The following ARL6IP6 variants were observed in gnomAD, a reference collection of about 807,000 sequenced individuals.
The protein encoded by ARL6IP6 is ARF like GTPase 6 interacting protein 6.
A neutral mutation model predicts 21.5 loss-of-function variants in ARL6IP6; 22 were observed. That is an observed-to-expected ratio of 1.02 (90% confidence interval 0.73 to 1.46). ARL6IP6 has a LOEUF of 1.46. Ranked by LOEUF, ARL6IP6 falls within the 40% of genes most tolerant of loss-of-function variation. ARL6IP6 has a pLI of 0.00. For synonymous variants in ARL6IP6, 164 were observed against 125.3 expected (o/e 1.31, Z -2.06); for missense variants, 388 against 299.8 (o/e 1.29, Z -2.17).
At chr2:152,720,219 G>A (rs1699716364) in intron 1 of ARL6IP6, 2 of 384,034 alleles carry the variant, frequency 5.2e-6, no homozygotes, top group African/African-American at 4.1e-5. Context: ...AGAAGACATT[G>A]AACTGTGCTT....
chr2:152,757,775 A>G (rs1168782920), intron 3 of ARL6IP6, among the ~76,000 whole-genome samples: 1 of 152,214 alleles, frequency 6.6e-6, no homozygotes, highest in Non-Finnish European at 1.5e-5. Context: ...GGTACATTTG[A>G]GATGACAAAG....
At position 152,760,075 on chromosome 2, in the gene ARL6IP6, G is replaced by T. The variant is rs992510279; in HGVS notation, c.*235G>T. ...CTGAGTATTAAGTACTTTCTTCAGA[G>T]TATAAGATGTTTACCTCATCTTTTT... On this transcript the variant is annotated 3_prime_UTR_variant, in exon 4 of 4. Coordinates refer to ENST00000326446, the MANE Select transcript of ARL6IP6 (RefSeq NM_152522.7). 5.5e-6 allele frequency: 2 copies of T among 366,734 alleles called. No homozygotes were observed. Among genetic ancestry groups the T allele is most frequent in the African/African-American group, 2.1e-5 (1 of 48,114 alleles). The allele number at this position is 366,734 out of a possible 1,614,324, so 22.7% of individuals were successfully genotyped here.
At chr2:152,748,917 C>G (rs1354727207) in intron 3 of ARL6IP6, among the ~76,000 whole-genome samples, 1 of 152,078 alleles carries the variant, frequency 6.6e-6, no homozygotes, top group African/African-American at 2.4e-5. Context: ...CAACCTGAAA[C>G]ATGACAAGAG....
At chr2:152,733,076 A>G (rs1299511199) in intron 2 of ARL6IP6, among the ~76,000 whole-genome samples, 1 of 152,096 alleles carries the variant, frequency 6.6e-6, no homozygotes, top group African/African-American at 2.4e-5. Context: ...AGTTTTTCCA[A>G]TGATTGCTTC....
At chr2:152,723,719 C>T (rs1027878619) in intron 2 of ARL6IP6, among the ~76,000 whole-genome samples, 1 of 152,088 alleles carries the variant, frequency 6.6e-6, no homozygotes, top group African/African-American at 2.4e-5. Context: ...GTAACAATCA[C>T]TTGGGGACTT....
At chr2:152,718,541 A>G (rs895208055), upstream of ARL6IP6, 10 of 1,480,040 alleles carry the variant, frequency 6.8e-6, no homozygotes, top group Admixed American at 1.7e-4. Context: ...GGTAGCGGCC[A>G]CTGCCGCGGA....
At chr2:152,721,952 A>G (rs996364929) in intron 2 of ARL6IP6, among the ~76,000 whole-genome samples, 9 of 152,240 alleles carry the variant, frequency 5.9e-5, no homozygotes, top group African/African-American at 1.9e-4. Flanking sequence ...TTTTATCTCT[A>G]GAAATAAGCC....
chr2:152,752,298 A>G (rs1701372886), intron 3 of ARL6IP6, among the ~76,000 whole-genome samples: 1 of 152,234 alleles, frequency 6.6e-6, no homozygotes, highest in African/African-American at 2.4e-5. Flanking sequence ...TGGAATCCAT[A>G]GTAGACTCCA....
chr2:152,759,958 G>A lies in ARL6IP6; in HGVS notation c.*118G>A. On this transcript the variant is annotated 3_prime_UTR_variant, in exon 4 of 4. Coordinates refer to ENST00000326446, the MANE Select transcript of ARL6IP6 (RefSeq NM_152522.7). ...AACCTGCTGTTCATTATGTAGTTCA[G>A]ATATTTATCACAATCATCCTCATTA... 1.3e-6 allele frequency: 1 copy of A among 780,586 alleles called. No homozygotes were observed. The allele number at this position is 780,586 out of a possible 1,614,324, so 48.4% of individuals were successfully genotyped here. A position where few individuals can be genotyped will look rare whatever the true frequency, so the allele number is the denominator to read the frequency against.
At chr2:152,756,355 AAAG>A (rs1159590715) in intron 3 of ARL6IP6, among the ~76,000 whole-genome samples, 2 of 152,304 alleles carry the variant, frequency 1.3e-5, no homozygotes, top group East Asian at 3.9e-4. Flanking sequence ...TTAAATATCA[AAAG>A]AAGAAAAGTA....
At chr2:152,742,218 A>G (rs917403448) in intron 3 of ARL6IP6, among the ~76,000 whole-genome samples, 1 of 152,168 alleles carries the variant, frequency 6.6e-6, no homozygotes, top group Non-Finnish European at 1.5e-5. Flanking sequence ...TAATGCATCT[A>G]ACTATGTTAC....
At position 152,760,603 on chromosome 2, in the gene ARL6IP6, G is replaced by T. The variant is rs1039408840; in HGVS notation, c.*763G>T. On this transcript the variant is annotated 3_prime_UTR_variant, in exon 4 of 4. Transcript: ENST00000326446. ...AGTAAGTTTATTTTTAACAAAAAATGCCTGAAAAAAGCTAAATTATTTAAG... is the reference window on the plus strand; with the variant it reads ...AGTAAGTTTATTTTTAACAAAAAATTCCTGAAAAAAGCTAAATTATTTAAG... 3.3e-5 allele frequency: 5 copies of T among 151,498 alleles called. No individual in the cohort carries two copies. The highest frequency in any genetic ancestry group is 7.4e-5 in the Non-Finnish European group (5 of 67,828). The allele number at this position is 151,498 out of a possible 1,614,324, so 9.4% of individuals were successfully genotyped here. A position where few individuals can be genotyped will look rare whatever the true frequency, so the allele number is the denominator to read the frequency against.
intron 3 of ARL6IP6, among the ~76,000 whole-genome samples, chr2:152,758,746 CAG>C (rs1231202536): frequency 6.6e-6 from 1 of 152,166 alleles, no homozygotes; most frequent in East Asian, 1.9e-4. Context: ...ATCTCTGCCA[CAG>C]ATATTGTGCG....
chr2:152,750,649 G>GA (rs11399471), intron 3 of ARL6IP6, among the ~76,000 whole-genome samples: 151,815 of 152,316 alleles, frequency 1, 75,666 homozygotes, highest in East Asian at 1. Context: ...TTTACACAAT[G>GA]TACCTCTTTT....
chr2:152,752,577 G>A (rs534291823), intron 3 of ARL6IP6, among the ~76,000 whole-genome samples: 3 of 152,338 alleles, frequency 2.0e-5, no homozygotes, highest in Non-Finnish European at 2.9e-5. Flanking sequence ...AATTGGGCCC[G>A]AGCAAGCGGC....
chr2:152,750,466 ACT>A (rs1303033775), intron 3 of ARL6IP6, among the ~76,000 whole-genome samples: 3 of 144,698 alleles, frequency 2.1e-5, no homozygotes, highest in African/African-American at 5.2e-5. Context: ...ACAGAGCAAG[ACT>A]CTGTCCAAAA....
chr2:152,734,833 C>A (rs1019043942), intron 2 of ARL6IP6, among the ~76,000 whole-genome samples, 161 bp from the exon 3 acceptor site: 3 of 152,122 alleles, frequency 2.0e-5, no homozygotes, highest in Non-Finnish European at 4.4e-5. Flanking sequence ...ACACTTATTT[C>A]TACATAAGTT....
At chr2:152,720,755 ATG>A (rs558043976) in intron 2 of ARL6IP6, among the ~76,000 whole-genome samples, 169 bp downstream of exon 2, 27 of 152,284 alleles carry the variant, frequency 1.8e-4, no homozygotes, top group African/African-American at 5.3e-4. Context: ...TTTCCTTTAT[ATG>A]TGTGGAGTAT....
At chr2:152,741,548 CAT>C (rs1354996686) in intron 3 of ARL6IP6, among the ~76,000 whole-genome samples, 1 of 151,922 alleles carries the variant, frequency 6.6e-6, no homozygotes, top group African/African-American at 2.4e-5. Context: ...TATTAGGTGA[CAT>C]ATTTAATGAA....
Sources: gnomAD v4.1 joint callset for allele counts (sites outside exome capture counted in the v4.1 genomes callset) on GRCh38, gnomAD v4.1.1 for gene constraint, MANE v1.5 for transcripts, NCBI Gene and HGNC (gene_info 2026-07-23, HGNC 2026-07-21) for gene names.